Variants in ATP8A2 observed in about 807,000 individuals in gnomAD.
ATP8A2 encodes the protein phospholipid-transporting ATPase IB.
In ATP8A2, 100 loss-of-function variants were observed where a neutral mutation model predicts 165.6. The ratio of observed to expected loss-of-function variants is 0.60; its 90% CI spans 0.51 to 0.71. ATP8A2 has a LOEUF of 0.71. ATP8A2 is among the 30% of genes least tolerant of loss of function. ATP8A2 has a pLI of 0.00. For missense variants in ATP8A2, 1,227 were observed against 1,479.5 expected (o/e 0.83, Z 2.80); for synonymous variants, 543 against 548.8 (o/e 0.99, Z 0.15).
chr13:26,024,535 G>C lies in ATP8A2; in HGVS notation c.*4550G>C, dbSNP rs770800072. The C allele has an allele frequency of 1.3e-5, 2 of 152,246 alleles. No individual in the cohort carries two copies. Among genetic ancestry groups the C allele is most frequent in the Non-Finnish European group, 2.9e-5 (2 of 68,072 alleles). 9.4% of individuals were successfully genotyped at this position (152,246 alleles called of 1,614,324 possible). On this transcript the variant is annotated 3_prime_UTR_variant, in exon 37 of 37. Coordinates refer to ENST00000381655, the MANE Select transcript of ATP8A2 (RefSeq NM_016529.6). ...AATGGGCAGAAGCCACAAACAAATG[G>C]GAGCAGAAAAGAAGGGCGAGCTCCC...
chr13:25,828,188 A>G lies in ATP8A2; in HGVS notation c.2750A>G (p.Asn917Ser). ...GAACGTTGGTGCATCGGCCTGTACA[A>G]TGTGGTAAGCATTCTTCATCTCTAT... is the stretch of plus-strand genomic sequence containing the variant. ...LFERWCIGLY[N>S]VIFTALPPFT... Residue 917 changes from asparagine to serine, a missense_variant, in exon 28 of 37, where the codon AAT becomes AGT. By Grantham distance (46) the Asn-to-Ser change is conservative. Around this residue, in one of 5 missense-constraint regions of ATP8A2, gnomAD observed 592 missense variants for 785.6 expected, o/e 0.75. Coordinates refer to ENST00000381655, the MANE Select transcript of ATP8A2 (RefSeq NM_016529.6). 2 of 1,613,348 alleles carry G rather than the reference A, an allele frequency of 1.2e-6. No homozygotes were observed. The highest frequency in any genetic ancestry group is 1.1e-5 in the South Asian group (1 of 91,068).
chr13:25,440,034 G>A (rs144101378), intron 1 of ATP8A2, among the ~76,000 whole-genome samples: 1 of 152,244 alleles, frequency 6.6e-6, no homozygotes, highest in East Asian at 1.9e-4. Flanking sequence ...GAAGTTCTGT[G>A]GGGTGCATGT....
At chr13:25,645,711 G>C (rs2041654841) in intron 24 of ATP8A2, among the ~76,000 whole-genome samples, 1 of 152,026 alleles carries the variant, frequency 6.6e-6, no homozygotes, top group Non-Finnish European at 1.5e-5. Context: ...TTATGTATTT[G>C]TGAATTTTTG....
intron 25 of ATP8A2, among the ~76,000 whole-genome samples, chr13:25,743,198 G>A (rs1411383022): frequency 6.6e-6 from 1 of 152,084 alleles, no homozygotes; most frequent in Non-Finnish European, 1.5e-5. Flanking sequence ...ATGTGAAGAT[G>A]AAGGCAGAGG....
chr13:25,741,984 G>A (rs2043923005), intron 25 of ATP8A2, among the ~76,000 whole-genome samples: 1 of 152,138 alleles, frequency 6.6e-6, no homozygotes, highest in African/African-American at 2.4e-5. Flanking sequence ...TTCCTTACAG[G>A]TACAGTCATG....
intron 33 of ATP8A2, among the ~76,000 whole-genome samples, chr13:25,899,253 T>G (rs1014809227): frequency 6.6e-6 from 1 of 152,204 alleles, no homozygotes; most frequent in Non-Finnish European, 1.5e-5. Context: ...TGGAGCTCTG[T>G]AGAGCAAGGG....
intron 33 of ATP8A2, among the ~76,000 whole-genome samples, chr13:25,867,475 G>A (rs1952540083): frequency 6.6e-6 from 1 of 152,170 alleles, no homozygotes; most frequent in South Asian, 2.1e-4. Flanking sequence ...TGTGGAGGAT[G>A]GGAGCTTAAC....
chr13:25,638,456 G>A (rs1428007295), intron 24 of ATP8A2, among the ~76,000 whole-genome samples: 1 of 152,144 alleles, frequency 6.6e-6, no homozygotes, highest in Non-Finnish European at 1.5e-5. Flanking sequence ...ACTATGTGAC[G>A]AATGTACAAG....
intron 33 of ATP8A2, among the ~76,000 whole-genome samples, chr13:25,942,703 C>T (rs1343755331): frequency 2.0e-5 from 3 of 152,212 alleles, no homozygotes; most frequent in Non-Finnish European, 4.4e-5. Flanking sequence ...GGATTACAGG[C>T]GTGAGCCACC....
At chr13:25,677,509 G>T (rs1232367198) in intron 24 of ATP8A2, among the ~76,000 whole-genome samples, 1 of 141,872 alleles carries the variant, frequency 7.0e-6, no homozygotes, top group Admixed American at 7.3e-5. Context: ...TGAGACCCGG[G>T]TGGTGGTGGA....
intron 1 of ATP8A2, among the ~76,000 whole-genome samples, chr13:25,429,172 A>G (rs539183678): frequency 9.9e-4 from 150 of 152,198 alleles, no homozygotes; most frequent in Non-Finnish European, 4.4e-5. Context: ...GTTTGAGACC[A>G]GGCTGGCCAA....
At chr13:25,646,132 CT>C (rs1352433700) in intron 24 of ATP8A2, among the ~76,000 whole-genome samples, 7 of 152,150 alleles carry the variant, frequency 4.6e-5, no homozygotes, top group African/African-American at 1.7e-4. Context: ...GATATATCCT[CT>C]TGATGAATTG....
intron 33 of ATP8A2, among the ~76,000 whole-genome samples, chr13:25,900,237 CAT>C (rs1953695793): frequency 6.6e-6 from 1 of 152,072 alleles, no homozygotes; most frequent in African/African-American, 2.4e-5. Context: ...AGAGGAGAAA[CAT>C]GTACAGGCAC....
At chr13:25,784,192 G>C (rs2044962787) in intron 27 of ATP8A2, among the ~76,000 whole-genome samples, 2 of 152,176 alleles carry the variant, frequency 1.3e-5, no homozygotes, top group South Asian at 4.2e-4. Flanking sequence ...GTTTAAAAAG[G>C]AGTCTTTGGA....
At chr13:25,439,958 C>CAT (rs2034887203) in intron 1 of ATP8A2, among the ~76,000 whole-genome samples, 1 of 151,818 alleles carries the variant, frequency 6.6e-6, no homozygotes, top group Non-Finnish European at 1.5e-5. Flanking sequence ...TGAGAGGTCA[C>CAT]TGCAGGCTAT....
intron 33 of ATP8A2, among the ~76,000 whole-genome samples, chr13:25,943,761 C>T (rs1320401824): frequency 1.3e-5 from 2 of 152,132 alleles, no homozygotes; most frequent in Non-Finnish European, 2.9e-5. Flanking sequence ...AGTGAGGAAC[C>T]GTGAAATCCA....
At chr13:25,434,346 C>G (rs1285555709) in intron 1 of ATP8A2, among the ~76,000 whole-genome samples, 1 of 150,770 alleles carries the variant, frequency 6.6e-6, no homozygotes, top group African/African-American at 2.5e-5. Context: ...TTTCTTTTCT[C>G]TCTCTTTTTT....
chr13:25,952,484 G>A (rs1328052697), intron 33 of ATP8A2, among the ~76,000 whole-genome samples: 1 of 151,682 alleles, frequency 6.6e-6, no homozygotes, highest in African/African-American at 2.4e-5. Context: ...GAGCCCAAGC[G>A]ATCCCCCCAC....
chr13:25,573,190 T>G (rs970185258), intron 18 of ATP8A2, among the ~76,000 whole-genome samples: 1 of 152,172 alleles, frequency 6.6e-6, no homozygotes, highest in Admixed American at 6.5e-5. Context: ...GATTTTCAGT[T>G]GTGTGGGTGC....
Sources: gnomAD v4.1 joint callset for allele counts (sites outside exome capture counted in the v4.1 genomes callset) on GRCh38, gnomAD v4.1.1 for gene constraint, gnomAD v4.1.1 regional missense constraint, MANE v1.5 for transcripts, NCBI Gene and HGNC (gene_info 2026-07-23, HGNC 2026-07-21) for gene names.